Variants in CDH4 observed in about 807,000 individuals in gnomAD.
The protein encoded by CDH4 is cadherin-4.
CDH4 carries 33 observed loss-of-function variants against 86.0 expected under a neutral mutation model. The observed-to-expected ratio is 0.38, with a 90% CI of 0.29 to 0.51. CDH4 has a LOEUF of 0.51. CDH4 is among the 20% of genes least tolerant of loss of function. The probability of loss-of-function intolerance (pLI) is 0.86; values close to 1 mark genes in which losing one functional copy is unlikely to be tolerated. For synonymous variants in CDH4, 555 were observed against 549.4 expected, an observed-to-expected ratio of 1.01 and a Z score of -0.14; for missense variants, 1,114 against 1,307.4, an observed-to-expected ratio of 0.85 and a Z score of 2.28.
chr20:61,555,428 A>C (rs2086170261), intron 2 of CDH4, among the ~76,000 whole-genome samples: 1 of 152,186 alleles, frequency 6.6e-6, no homozygotes, highest in Non-Finnish European at 1.5e-5. Context: ...CAGGATGTGC[A>C]GGACTGTCCT....
intron 2 of CDH4, among the ~76,000 whole-genome samples, chr20:61,428,124 G>A (rs2085224874): frequency 6.6e-6 from 1 of 152,154 alleles, no homozygotes; most frequent in Admixed American, 6.5e-5. Context: ...GTGGGGCCAG[G>A]TAGGAATTCC....
At chr20:61,559,998 G>A (rs1036948832) in intron 2 of CDH4, among the ~76,000 whole-genome samples, 8 of 152,154 alleles carry the variant, frequency 5.3e-5, no homozygotes, top group Non-Finnish European at 8.8e-5. Context: ...TCTGTCCATC[G>A]ACATCCAACT....
intron 4 of CDH4, among the ~76,000 whole-genome samples, chr20:61,799,750 G>A (rs911780372): frequency 5.9e-5 from 9 of 152,184 alleles, no homozygotes; most frequent in Admixed American, 4.6e-4. Flanking sequence ...CCCCGCTCCT[G>A]GGTGGGCAGG....
intron 7 of CDH4, among the ~76,000 whole-genome samples, chr20:61,884,791 C>T (rs1241077302): frequency 6.6e-6 from 1 of 152,036 alleles, no homozygotes; most frequent in Non-Finnish European, 1.5e-5. Context: ...GCAGCAGCCC[C>T]GAAGGGCTGA....
At chr20:61,349,677 C>CCCCGT (rs1157994019) in intron 2 of CDH4, among the ~76,000 whole-genome samples, 2 of 152,170 alleles carry the variant, frequency 1.3e-5, no homozygotes, top group South Asian at 2.1e-4. Flanking sequence ...CCCTTCCATG[C>CCCCGT]CCCGTGAGGC....
chr20:61,706,663 C>T (rs1309674664), intron 2 of CDH4, among the ~76,000 whole-genome samples: 1 of 152,060 alleles, frequency 6.6e-6, no homozygotes, highest in Non-Finnish European at 1.5e-5. Flanking sequence ...CCGAGCTGCA[C>T]ACAGTGGCAC....
chr20:61,775,116 G>T (rs900498433), intron 4 of CDH4, among the ~76,000 whole-genome samples: 1 of 152,198 alleles, frequency 6.6e-6, no homozygotes, highest in Admixed American at 6.5e-5. Context: ...TATCCCCAAA[G>T]GAGATTGTAT....
In CDH4 at chr20:61,510,942, TGAGA is replaced by T. The variant is rs960619502; in HGVS notation, c.170-232610_170-232607del. 8.1e-5 allele frequency among the ~76,000 whole-genome samples: 12 copies of T among 147,874 alleles called. No individual in the cohort carries two copies. Among genetic ancestry groups the T allele is most frequent in the South Asian group, 4.3e-4 (2 of 4,642 alleles). The stretch of plus-strand genomic sequence containing the variant: ...ACATGTCACAAAATGAAAGCAGGAG[TGAGA>T]GAGAGAGAGAAAGTTGGGGGCGGCT... On this transcript the variant is annotated intron_variant, in intron 2 of 15. Transcript: ENST00000614565. This position sits in a 1 kb window ranked among gnomAD's most constrained non-coding sequence, Gnocchi z 4.2.
intron 2 of CDH4, among the ~76,000 whole-genome samples, chr20:61,566,839 C>G (rs1424859449): frequency 6.6e-6 from 1 of 152,030 alleles, no homozygotes; most frequent in Non-Finnish European, 1.5e-5. Flanking sequence ...TGCGCCTCCT[C>G]GGGGAGTTCT....
At position 61,269,885 on chromosome 20, in the gene CDH4, C is replaced by T. The variant is rs538063861; in HGVS notation, c.169+14948C>T. On this transcript the variant is annotated intron_variant, in intron 2 of 15. Transcript: ENST00000614565. This position sits in a 1 kb window ranked among gnomAD's most constrained non-coding sequence, Gnocchi z 5.3. ...GCCAGTGGTACTCATTTCCACATGG[C>T]CCCGGCTGTTGACGATGACCTTAAG... 1.3e-5 allele frequency among the ~76,000 whole-genome samples: 2 copies of T among 152,152 alleles called. No individual in the cohort carries two copies. Among genetic ancestry groups the T allele is most frequent in the South Asian group, 2.1e-4 (1 of 4,828 alleles).
intron 2 of CDH4, among the ~76,000 whole-genome samples, chr20:61,710,544 C>T (rs192541385): frequency 6.6e-6 from 1 of 152,314 alleles, no homozygotes; most frequent in African/African-American, 2.4e-5. Context: ...AAGCAATGTG[C>T]GTTGATGAAA....
At chr20:61,414,298 T>A (rs1200312361) in intron 2 of CDH4, among the ~76,000 whole-genome samples, 1 of 152,242 alleles carries the variant, frequency 6.6e-6, no homozygotes, top group Non-Finnish European at 1.5e-5. Flanking sequence ...CATGCCTGGC[T>A]CAGCCCTGAT....
intron 2 of CDH4, among the ~76,000 whole-genome samples, chr20:61,674,424 C>T (rs1363401560): frequency 1.3e-5 from 2 of 152,122 alleles, no homozygotes; most frequent in Admixed American, 1.3e-4. Context: ...TGACAGGCAG[C>T]AGGCCTTTCG....
At chr20:61,590,783 TGG>T (rs2086512709) in intron 2 of CDH4, among the ~76,000 whole-genome samples, 1 of 150,472 alleles carries the variant, frequency 6.6e-6, no homozygotes, top group South Asian at 2.1e-4. Context: ...CGTCTGGATT[TGG>T]GGATATAATT....
intron 2 of CDH4, among the ~76,000 whole-genome samples, chr20:61,629,322 T>C (rs1269649358): frequency 6.6e-6 from 1 of 151,826 alleles, no homozygotes; most frequent in East Asian, 1.9e-4. Flanking sequence ...CCAGCCAGAG[T>C]CCCTGGGAGC....
chr20:61,400,513 T>G (rs1248727804), intron 2 of CDH4, among the ~76,000 whole-genome samples: 3 of 152,204 alleles, frequency 2.0e-5, no homozygotes, highest in Non-Finnish European at 4.4e-5. Context: ...ATCTCAGGAC[T>G]ACTGTCAAAG....
At chr20:61,835,076 TG>T (rs900229253) in intron 4 of CDH4, among the ~76,000 whole-genome samples, 2 of 152,186 alleles carry the variant, frequency 1.3e-5, no homozygotes, top group Admixed American at 1.3e-4. Context: ...GTTCATTTTT[TG>T]TCTTGTTTTG....
intron 2 of CDH4, among the ~76,000 whole-genome samples, chr20:61,284,149 C>CAA (rs5842344): frequency 9.5e-5 from 13 of 136,512 alleles, no homozygotes; most frequent in Non-Finnish European, 1.4e-4. Context: ...ACTAAAAATA[C>CAA]AAAAAAAAAA....
chr20:61,337,376 A>G (rs1239040842), intron 2 of CDH4, among the ~76,000 whole-genome samples: 2 of 151,762 alleles, frequency 1.3e-5, no homozygotes, highest in African/African-American at 4.8e-5. Context: ...GATGGAGATC[A>G]TAATGATAAT....
Sources: allele counts gnomAD v4.1 joint callset (sites outside exome capture counted in the v4.1 genomes callset), GRCh38; gene constraint gnomAD v4.1.1; non-coding constraint Gnocchi (gnomAD v3.1); transcripts MANE v1.5; gene names NCBI Gene and HGNC (gene_info 2026-07-23, HGNC 2026-07-21).